PTPRD: variants seen among roughly 807,000 people sequenced by gnomAD.
PTPRD encodes the protein receptor-type tyrosine-protein phosphatase delta.
Under a neutral mutation model 214.5 loss-of-function variants are expected in PTPRD, and 34 were observed. The observed-to-expected ratio is 0.16, with a 90% CI of 0.12 to 0.21. The LOEUF is 0.21. Ranked by LOEUF, PTPRD falls within the 10% of genes least tolerant of loss-of-function variation. The probability of loss-of-function intolerance (pLI) is 1.00; values close to 1 mark genes in which losing one functional copy is unlikely to be tolerated. For synonymous variants in PTPRD, 1,128 were observed against 845.7 expected (o/e 1.33, Z -5.79); for missense variants, 2,545 against 2,398.7 (o/e 1.06, Z -1.27).
At chr9:10,286,041 G>A (rs1222333007) in intron 3 of PTPRD, among the ~76,000 whole-genome samples, 1 of 152,012 alleles carries the variant, frequency 6.6e-6, no homozygotes, top group Non-Finnish European at 1.5e-5. Flanking sequence ...GCATTAATAA[G>A]GGTATATATG....
chr9:8,361,599 A>C (rs936020251), intron 39 of PTPRD, among the ~76,000 whole-genome samples: 1 of 152,188 alleles, frequency 6.6e-6, no homozygotes, highest in African/African-American at 2.4e-5. Context: ...TATTTACCTG[A>C]GATAAGGTTG....
intron 3 of PTPRD, among the ~76,000 whole-genome samples, chr9:10,272,977 C>T (rs1382148643): frequency 3.9e-5 from 6 of 152,148 alleles, no homozygotes; most frequent in Non-Finnish European, 7.4e-5. Flanking sequence ...CCTGATGTCA[C>T]TGTCAAACAT....
chr9:9,035,265 T>C (rs1386763636), intron 10 of PTPRD, among the ~76,000 whole-genome samples: 4 of 152,134 alleles, frequency 2.6e-5, no homozygotes, highest in Admixed American at 2.6e-4. Flanking sequence ...AAGAGCTATT[T>C]TCCTTTCCTC....
intron 3 of PTPRD, among the ~76,000 whole-genome samples, chr9:10,168,364 G>C (rs1008737971): frequency 1.4e-5 from 2 of 144,588 alleles, no homozygotes; most frequent in African/African-American, 5.1e-5. Flanking sequence ...ATAATAGGTA[G>C]TGCTGCTTAA....
At chr9:9,304,517 C>G (rs1435028128) in intron 9 of PTPRD, among the ~76,000 whole-genome samples, 1 of 151,904 alleles carries the variant, frequency 6.6e-6, no homozygotes, top group Non-Finnish European at 1.5e-5. Context: ...GGATGTGGAA[C>G]TTGGAGCATT....
chr9:8,828,983 CT>C (rs2097229550), intron 11 of PTPRD, among the ~76,000 whole-genome samples: 1 of 152,182 alleles, frequency 6.6e-6, no homozygotes, highest in Non-Finnish European at 1.5e-5. Context: ...TGGAAATACT[CT>C]ATCACACTGT....
chr9:9,925,722 A>C (rs1353312377), intron 5 of PTPRD, among the ~76,000 whole-genome samples: 1 of 152,066 alleles, frequency 6.6e-6, no homozygotes, highest in East Asian at 1.9e-4. Context: ...GTGTCTCAAA[A>C]AATTTTCTTC....
chr9:9,915,345 T>G (rs931223392), intron 5 of PTPRD, among the ~76,000 whole-genome samples: 55 of 150,256 alleles, frequency 3.7e-4, no homozygotes, highest in African/African-American at 1.3e-3. Context: ...AAACATGACA[T>G]CTCCAAAAAA....
chr9:8,930,121 C>T (rs2098941733), intron 11 of PTPRD, among the ~76,000 whole-genome samples: 1 of 149,866 alleles, frequency 6.7e-6, no homozygotes, highest in Non-Finnish European at 1.5e-5. Flanking sequence ...CCCCCCCACA[C>T]CACAACAGGC....
chr9:10,422,010 T>C (rs2154516294), intron 2 of PTPRD, among the ~76,000 whole-genome samples: 1 of 151,968 alleles, frequency 6.6e-6, no homozygotes. Flanking sequence ...GTATCTACTT[T>C]GCTTCAGACA....
intron 11 of PTPRD, among the ~76,000 whole-genome samples, chr9:8,870,592 T>A (rs181461391): frequency 2.0e-5 from 3 of 152,090 alleles, no homozygotes; most frequent in East Asian, 1.9e-4. Context: ...TTACAGTTGC[T>A]GGGAAATTTG....
intron 3 of PTPRD, among the ~76,000 whole-genome samples, chr9:10,053,783 C>A (rs1349335288): frequency 6.6e-6 from 1 of 151,878 alleles, no homozygotes; most frequent in African/African-American, 2.4e-5. Context: ...TTTTTGGCAA[C>A]AGTCTCACTC....
chr9:9,380,561 C>A (rs1364329273), intron 9 of PTPRD, among the ~76,000 whole-genome samples: 2 of 152,070 alleles, frequency 1.3e-5, no homozygotes, highest in African/African-American at 2.4e-5. Context: ...TTCTTAACTT[C>A]TATTTTTAAA....
chr9:9,192,870 G>A (rs2099936095), intron 9 of PTPRD, among the ~76,000 whole-genome samples: 1 of 152,064 alleles, frequency 6.6e-6, no homozygotes, highest in Admixed American at 6.6e-5. Flanking sequence ...TGCAGCGTAT[G>A]TTCCTCCAGC....
intron 2 of PTPRD, among the ~76,000 whole-genome samples, chr9:10,390,342 T>C (rs952018024): frequency 6.6e-6 from 1 of 151,868 alleles, no homozygotes; most frequent in Non-Finnish European, 1.5e-5. Context: ...TAATTTAAAA[T>C]CCAAGTGAGG....
At chr9:9,075,655 G>A (rs148816757) in intron 10 of PTPRD, among the ~76,000 whole-genome samples, 208 of 152,180 alleles carry the variant, frequency 1.4e-3, no homozygotes, top group African/African-American at 4.7e-3. Flanking sequence ...GTGAGAACAT[G>A]CGGTGTTTGC....
At chr9:8,833,712 A>C (rs1360719833) in intron 11 of PTPRD, among the ~76,000 whole-genome samples, 6 of 122,854 alleles carry the variant, frequency 4.9e-5, no homozygotes, top group African/African-American at 1.9e-4. Flanking sequence ...ATATATATAT[A>C]TATACACACA....
intron 10 of PTPRD, among the ~76,000 whole-genome samples, chr9:9,041,813 A>G (rs1590331898): frequency 6.6e-6 from 1 of 152,330 alleles, no homozygotes; most frequent in African/African-American, 2.4e-5. Context: ...AGGAACAACT[A>G]GGACTCCTAA....
chr9:10,085,252 G>A (rs144101413), intron 3 of PTPRD, among the ~76,000 whole-genome samples: 1,786 of 151,922 alleles, frequency 0.012, 22 homozygotes, highest in Middle Eastern at 0.027. Flanking sequence ...AACTGACGTG[G>A]CGAGAATTTT....
Sources: allele counts gnomAD v4.1 joint callset (sites outside exome capture counted in the v4.1 genomes callset), GRCh38; gene constraint gnomAD v4.1.1; transcripts MANE v1.5; gene names NCBI Gene and HGNC (gene_info 2026-07-23, HGNC 2026-07-21).